Variants in NEK6 observed in about 807,000 individuals in gnomAD.
NEK6 encodes NIMA related kinase 6.
In NEK6, 27 loss-of-function variants were observed where a neutral mutation model predicts 43.5. That is an observed-to-expected ratio of 0.62 (90% CI 0.46 to 0.86). NEK6 has a LOEUF of 0.86. Among genes scored for constraint, NEK6 ranks in the 40% least tolerant of loss-of-function variants. The pLI, the probability that NEK6 is intolerant of heterozygous loss-of-function variation, is 0.00. For synonymous variants in NEK6, 167 were observed against 164.1 expected (o/e 1.02, Z -0.14); for missense variants, 318 against 414.4 (o/e 0.77, Z 2.02).
rs1830878864 is a variant in NEK6, at chr9:124,258,094, C to CCTGGGG, written c.-30+17_-30+22dup. The CCTGGGG allele has an allele frequency of 5.1e-6, 5 of 979,246 alleles. No individual in the cohort carries two copies. The highest frequency in any genetic ancestry group is 5.2e-4 in the Middle Eastern group (1 of 1,910). The allele number at this position is 979,246 out of a possible 1,614,324, so 60.7% of individuals were successfully genotyped here. A position where few individuals can be genotyped will look rare whatever the true frequency, so the allele number is the denominator to read the frequency against. On this transcript the variant is annotated intron_variant, in intron 1 of 9. Coordinates refer to ENST00000320246, the MANE Select transcript of NEK6 (RefSeq NM_014397.6). The stretch of plus-strand genomic sequence containing the variant: ...AGCCCGCCCGCGCGCCGGTGAGTCG[C>CCTGGGG]CTGGGGCTGGGGCCGGGCCGGTGGG...
At chr9:124,295,692 G>A (rs896858234) in intron 1 of NEK6, among the ~76,000 whole-genome samples, 1 of 152,214 alleles carries the variant, frequency 6.6e-6, no homozygotes, top group African/African-American at 2.4e-5. Context: ...GCGGCACTGG[G>A]CACCTGCCTG....
intron 3 of NEK6, among the ~76,000 whole-genome samples, chr9:124,312,884 C>G (rs115550143): frequency 0.015 from 2,209 of 152,314 alleles, 50 homozygotes; most frequent in African/African-American, 0.051. Context: ...CTGGGTCATG[C>G]AAGGAGCACA....
intron 3 of NEK6, among the ~76,000 whole-genome samples, chr9:124,312,963 C>T (rs1005455265): frequency 6.6e-6 from 1 of 152,198 alleles, no homozygotes; most frequent in Non-Finnish European, 1.5e-5. Flanking sequence ...AATCTCATAA[C>T]CGCCAGGGCC....
chr9:124,274,880 G>A (rs990131334), intron 1 of NEK6, among the ~76,000 whole-genome samples: 2 of 152,154 alleles, frequency 1.3e-5, no homozygotes, highest in South Asian at 2.1e-4. Flanking sequence ...AGATTGATAG[G>A]GGCTGCCCGA....
At chr9:124,350,487 C>G (rs1020221291) in intron 9 of NEK6, among the ~76,000 whole-genome samples, 9 of 122,258 alleles carry the variant, frequency 7.4e-5, no homozygotes, top group Non-Finnish European at 1.4e-4. Flanking sequence ...TGGGCATCTG[C>G]GTGACTGACA....
At chr9:124,282,012 T>C (rs1256949695) in intron 1 of NEK6, among the ~76,000 whole-genome samples, 1 of 152,228 alleles carries the variant, frequency 6.6e-6, no homozygotes, top group East Asian at 1.9e-4. Flanking sequence ...CTCTGAGTCA[T>C]GGCCACACGT....
intron 1 of NEK6, among the ~76,000 whole-genome samples, chr9:124,266,635 G>A (rs1345740555): frequency 6.6e-6 from 1 of 152,242 alleles, no homozygotes; most frequent in Non-Finnish European, 1.5e-5. Context: ...CACTCTAGAA[G>A]GGGATGGGAC....
chr9:124,305,878 C>CTT (rs1050199066), intron 2 of NEK6, among the ~76,000 whole-genome samples: 42 of 152,254 alleles, frequency 2.8e-4, no homozygotes, highest in African/African-American at 9.6e-4. Flanking sequence ...AATACCTATG[C>CTT]TTAGAGAAGG....
intron 1 of NEK6, among the ~76,000 whole-genome samples, chr9:124,268,433 G>A (rs1185509576): frequency 1.3e-5 from 2 of 152,226 alleles, no homozygotes; most frequent in African/African-American, 2.4e-5. Context: ...CCCATAGGGT[G>A]TGCTGTGTGC....
intron 5 of NEK6, among the ~76,000 whole-genome samples, chr9:124,325,739 A>G (rs953873957): frequency 6.6e-6 from 1 of 152,250 alleles, no homozygotes; most frequent in Non-Finnish European, 1.5e-5. Context: ...CAGGCAGTGA[A>G]GCAGACTGAT....
At chr9:124,283,067 T>C (rs1479498178) in intron 1 of NEK6, among the ~76,000 whole-genome samples, 1 of 152,206 alleles carries the variant, frequency 6.6e-6, no homozygotes, top group Admixed American at 6.5e-5. Flanking sequence ...GATCAGACGT[T>C]TCCGCCCTGA....
intron 8 of NEK6, among the ~76,000 whole-genome samples, chr9:124,345,686 AC>A (rs1021749668): frequency 3.9e-5 from 6 of 152,184 alleles, no homozygotes; most frequent in Non-Finnish European, 7.3e-5. Flanking sequence ...CACAGGACCA[AC>A]ACTCAAAATG....
At chr9:124,319,991 G>A (rs1008465696) in intron 4 of NEK6, among the ~76,000 whole-genome samples, 1 of 152,340 alleles carries the variant, frequency 6.6e-6, no homozygotes, top group African/African-American at 2.4e-5. Context: ...CCACAGGGGA[G>A]CCTGCTGCTA....
At chr9:124,304,435 T>A (rs1833153801) in intron 2 of NEK6, among the ~76,000 whole-genome samples, 2 of 152,182 alleles carry the variant, frequency 1.3e-5, no homozygotes, top group African/African-American at 2.4e-5. Context: ...CGGGTGAGAC[T>A]AGGAAAGCAA....
Position 124,343,127 on chromosome 9 carries a change from G to A in NEK6, c.717+3462G>A, listed in dbSNP as rs150701318. On this transcript the variant is annotated intron_variant, in intron 8 of 9. Coordinates refer to ENST00000320246, the MANE Select transcript of NEK6 (RefSeq NM_014397.6). The surrounding 1 kb of genome is among the most constrained non-coding windows in gnomAD (Gnocchi z 5.1). ...CATCTCACAAGGCAGTCCCGCCTTC[G>A]TGACTCCCTGGCATTGAGGCTCGGG... 2.6e-5 allele frequency among the ~76,000 whole-genome samples: 4 copies of A among 152,208 alleles called. No individual in the cohort carries two copies. Among genetic ancestry groups the A allele is most frequent in the East Asian group, 3.9e-4 (2 of 5,166 alleles).
chr9:124,261,393 G>A, intron 1 of NEK6: 2 of 985,402 alleles, frequency 2.0e-6, no homozygotes, highest in Non-Finnish European at 2.4e-6. Context: ...CCAAGCAAGG[G>A]AGTTGGAGGG....
chr9:124,345,306 G>A (rs913231520), intron 8 of NEK6, among the ~76,000 whole-genome samples: 7 of 152,226 alleles, frequency 4.6e-5, no homozygotes, highest in Non-Finnish European at 1.0e-4. Context: ...GCAGCCCAGA[G>A]CTTTCTTCAC....
At chr9:124,282,738 G>A (rs1831975416) in intron 1 of NEK6, among the ~76,000 whole-genome samples, 1 of 152,220 alleles carries the variant, frequency 6.6e-6, no homozygotes, top group South Asian at 2.1e-4. Context: ...CCAAAGACAA[G>A]TGCTGAGTAG....
intron 1 of NEK6, among the ~76,000 whole-genome samples, chr9:124,276,842 G>A (rs1831670023): frequency 6.6e-6 from 1 of 152,250 alleles, no homozygotes; most frequent in South Asian, 2.1e-4. Context: ...GTGGGAAACA[G>A]CAGTTGCAGG....
Sources: gnomAD v4.1 joint callset for allele counts (sites outside exome capture counted in the v4.1 genomes callset) on GRCh38, gnomAD v4.1.1 for gene constraint, Gnocchi (gnomAD v3.1) non-coding constraint, MANE v1.5 for transcripts, NCBI Gene and HGNC (gene_info 2026-07-23, HGNC 2026-07-21) for gene names.